Variants in RAPGEF2 observed in about 807,000 individuals in gnomAD.
RAPGEF2 encodes the protein PDZ domain containing guanine nucleotide exchange factor (GEF) 1.
In RAPGEF2, 54 loss-of-function variants were observed where a neutral mutation model predicts 186.7. The ratio of observed to expected loss-of-function variants is 0.29; its 90% confidence interval spans 0.23 to 0.36. RAPGEF2 has a LOEUF of 0.36. Ranked by LOEUF, RAPGEF2 falls within the 10% of genes least tolerant of loss-of-function variation. The pLI, the probability that RAPGEF2 is intolerant of heterozygous loss-of-function variation, is 1.00. For missense variants in RAPGEF2, 1,532 were observed against 2,045.0 expected, an observed-to-expected ratio of 0.75 and a Z score of 4.84; for synonymous variants, 712 against 705.9, an observed-to-expected ratio of 1.01 and a Z score of -0.14.
At chr4:159,177,280 T>C (rs1746536299) in intron 1 of RAPGEF2, among the ~76,000 whole-genome samples, 1 of 151,744 alleles carries the variant, frequency 6.6e-6, no homozygotes, top group African/African-American at 2.4e-5. Context: ...AAAATTCTGA[T>C]ATATATAGTG....
At chr4:159,129,591 A>G (rs918995833) in intron 1 of RAPGEF2, among the ~76,000 whole-genome samples, 1 of 152,248 alleles carries the variant, frequency 6.6e-6, no homozygotes, top group African/African-American at 2.4e-5. Context: ...TGCAGGGATT[A>G]AGTAATTTGC....
chr4:159,135,510 C>G (rs947432651), intron 1 of RAPGEF2, among the ~76,000 whole-genome samples: 2 of 152,204 alleles, frequency 1.3e-5, no homozygotes, highest in African/African-American at 4.8e-5. Context: ...TTCCTTTAAT[C>G]ATTAACAGTG....
chr4:159,224,677 G>A (rs1050410164), intron 4 of RAPGEF2, among the ~76,000 whole-genome samples: 2 of 152,172 alleles, frequency 1.3e-5, no homozygotes, highest in African/African-American at 4.8e-5. Flanking sequence ...GGCTGTAGGT[G>A]AATGACTTTA....
intron 7 of RAPGEF2, among the ~76,000 whole-genome samples, chr4:159,296,308 AT>A (rs1453916568): frequency 6.6e-6 from 1 of 152,206 alleles, no homozygotes; most frequent in Non-Finnish European, 1.5e-5. Flanking sequence ...TGTCAAAGTC[AT>A]TGATGTTGGA....
chr4:159,144,340 A>G (rs965983898), intron 1 of RAPGEF2, among the ~76,000 whole-genome samples: 6 of 152,152 alleles, frequency 3.9e-5, no homozygotes, highest in South Asian at 2.1e-4. Context: ...ATTGTACTGC[A>G]TTTGATCTAG....
At chr4:159,341,542 G>A (rs766735486) in intron 19 of RAPGEF2, 22 bp from the exon 20 acceptor site, 1 of 1,554,600 alleles carries the variant, frequency 6.4e-7, no homozygotes, top group South Asian at 1.3e-5. Flanking sequence ...CTTTGACTCT[G>A]ATATGTTTCT....
At chr4:159,188,676 AAAG>A (rs1416296818) in intron 2 of RAPGEF2, among the ~76,000 whole-genome samples, 12 of 151,562 alleles carry the variant, frequency 7.9e-5, no homozygotes, top group Non-Finnish European at 1.5e-4. Flanking sequence ...AAAAAAAAAA[AAAG>A]AAAAGAAAAA....
intron 7 of RAPGEF2, among the ~76,000 whole-genome samples, chr4:159,275,052 C>CGTGTG (rs1758655587): frequency 9.0e-6 from 1 of 110,532 alleles, no homozygotes; most frequent in Non-Finnish European, 1.9e-5. Context: ...TTCTCTGTCT[C>CGTGTG]TCGTGTGTGT....
intron 7 of RAPGEF2, among the ~76,000 whole-genome samples, chr4:159,252,374 T>A (rs1010296603): frequency 6.6e-6 from 1 of 152,096 alleles, no homozygotes; most frequent in Non-Finnish European, 1.5e-5. Context: ...ACTGAACCTT[T>A]AAAAAAAATG....
intron 1 of RAPGEF2, among the ~76,000 whole-genome samples, chr4:159,158,254 T>A (rs1358351254): frequency 2.0e-5 from 3 of 152,090 alleles, no homozygotes; most frequent in Non-Finnish European, 4.4e-5. Context: ...TGCATGCAGA[T>A]CAGTGATCCT....
intron 7 of RAPGEF2, among the ~76,000 whole-genome samples, chr4:159,256,243 C>T (rs550676984): frequency 5.9e-5 from 9 of 152,258 alleles, no homozygotes; most frequent in Non-Finnish European, 1.2e-4. Flanking sequence ...CCCTGCAGGC[C>T]ACAGTGTCTG....
At chr4:159,290,047 G>T (rs1760992909) in intron 7 of RAPGEF2, among the ~76,000 whole-genome samples, 1 of 152,182 alleles carries the variant, frequency 6.6e-6, no homozygotes, top group African/African-American at 2.4e-5. Flanking sequence ...GGAGTGACAG[G>T]ATCAGGTGTG....
In RAPGEF2 at chr4:159,304,338, A is replaced by G. The variant is rs1160492602; in HGVS notation, c.544-4A>G. ...AATCCTAGTTTTTCCTGCTCCTTCC[A>G]TAGCTTCCTGCAGATTTCACAAAAC... is the stretch of plus-strand genomic sequence containing the variant. On this transcript the variant is annotated splice_polypyrimidine_tract_variant and splice_region_variant and intron_variant, in intron 7 of 29. Transcript: ENST00000691494. 6.3e-7 allele frequency: 1 copy of G among 1,599,480 alleles called. No individual in the cohort carries two copies. The highest frequency in any genetic ancestry group is 2.2e-5 in the East Asian group (1 of 44,604).
Position 159,127,331 on chromosome 4 carries a change from T to A in RAPGEF2, c.69+23100T>A, listed in dbSNP as rs912298104. On this transcript the variant is annotated intron_variant, in intron 1 of 29. Transcript: ENST00000691494. ...TGTGAACCACCGCACCTGGCCTATTTATTTGTGTTTTATGATACTATTTAC... is the reference window on the plus strand; with the variant it reads ...TGTGAACCACCGCACCTGGCCTATTAATTTGTGTTTTATGATACTATTTAC... Among the ~76,000 whole-genome samples the A allele has an allele frequency of 5.3e-5, 8 of 152,104 alleles. No homozygotes were observed. In the East Asian group the frequency reaches 1.5e-3, roughly 29 times the overall value.
intron 3 of RAPGEF2, among the ~76,000 whole-genome samples, chr4:159,195,045 A>T (rs1430709340): frequency 6.6e-6 from 1 of 152,188 alleles, no homozygotes; most frequent in Non-Finnish European, 1.5e-5. Flanking sequence ...ATCTAGGATG[A>T]TTCTGAGGTT....
At chr4:159,265,704 G>C (rs1757349911) in intron 7 of RAPGEF2, among the ~76,000 whole-genome samples, 1 of 152,210 alleles carries the variant, frequency 6.6e-6, no homozygotes, top group Non-Finnish European at 1.5e-5. Flanking sequence ...AAGATATCAG[G>C]AGGTGGTATG....
At chr4:159,200,528 A>G (rs1749292160) in intron 3 of RAPGEF2, among the ~76,000 whole-genome samples, 1 of 152,116 alleles carries the variant, frequency 6.6e-6, no homozygotes, top group African/African-American at 2.4e-5. Context: ...CCTATAGAAT[A>G]TCTGGCTTTA....
At chr4:159,342,616 A>ATTTTATTTTATCTTATGTTATGTTATG (rs1554041277) in intron 20 of RAPGEF2, among the ~76,000 whole-genome samples, 1 of 118,354 alleles carries the variant, frequency 8.4e-6, no homozygotes, top group African/African-American at 3.2e-5. Context: ...ATTTTATTTT[A>ATTTTATTTTATCTTATGTTATGTTATG]TTACTAGAGG....
At chr4:159,177,237 C>T (rs569575020) in intron 1 of RAPGEF2, among the ~76,000 whole-genome samples, 4 of 145,852 alleles carry the variant, frequency 2.7e-5, no homozygotes, top group African/African-American at 5.1e-5. Context: ...TTTTGGCATA[C>T]AGACACATCA....
Sources: gnomAD v4.1 joint callset for allele counts (sites outside exome capture counted in the v4.1 genomes callset) on GRCh38, gnomAD v4.1.1 for gene constraint, MANE v1.5 for transcripts, NCBI Gene and HGNC (gene_info 2026-07-23, HGNC 2026-07-21) for gene names.